The following MGAT4C variants were observed in gnomAD, a reference collection of about 807,000 sequenced individuals.
MGAT4C encodes the protein MGAT4 family member C.
MGAT4C carries 19 observed loss-of-function variants against 40.1 expected under a neutral mutation model. The observed-to-expected ratio is 0.47, with a 90% CI of 0.33 to 0.70. The LOEUF is 0.70. Ranked by LOEUF, MGAT4C falls within the 30% of genes least tolerant of loss-of-function variation. MGAT4C has a pLI of 0.02. For missense variants in MGAT4C, 491 were observed against 563.2 expected (o/e 0.87, Z 1.30); for synonymous variants, 181 against 187.1 (o/e 0.97, Z 0.27).
At chr12:86,282,654 CTAAT>C (rs1043808618) in intron 4 of MGAT4C, among the ~76,000 whole-genome samples, 2 of 151,962 alleles carry the variant, frequency 1.3e-5, no homozygotes, top group African/African-American at 2.4e-5. Flanking sequence ...TGTTCAGTAT[CTAAT>C]TAACTGTGCT....
chr12:86,006,182 C>T (rs540241166), intron 2 of MGAT4C, among the ~76,000 whole-genome samples: 3 of 152,272 alleles, frequency 2.0e-5, no homozygotes, highest in African/African-American at 4.8e-5. Context: ...GGAAACACTT[C>T]ATGCTGTCAC....
At chr12:86,505,636 T>TA (rs1340074783) in intron 2 of MGAT4C, among the ~76,000 whole-genome samples, 1 of 152,216 alleles carries the variant, frequency 6.6e-6, no homozygotes, top group East Asian at 1.9e-4. Flanking sequence ...GTTTTGTAGC[T>TA]AAGGAAGTTA....
intron 3 of MGAT4C, among the ~76,000 whole-genome samples, chr12:86,425,716 C>T (rs10858427): frequency 0.64 from 96,637 of 151,968 alleles, 31,352 homozygotes; most frequent in South Asian, 0.77. Flanking sequence ...AATCTTGCAC[C>T]AGCCAGCAAA....
At chr12:86,242,366 G>A (rs976443498) in intron 1 of MGAT4C, among the ~76,000 whole-genome samples, 1 of 152,070 alleles carries the variant, frequency 6.6e-6, no homozygotes, top group Admixed American at 6.6e-5. Flanking sequence ...ACTGCCTCAG[G>A]TTCAATCTAT....
At chr12:85,983,391 ATTGAAG>A in intron 4 of MGAT4C, 126 bp downstream of exon 4, 1 of 847,534 alleles carries the variant, frequency 1.2e-6, no homozygotes, top group Non-Finnish European at 1.7e-6. Context: ...GTGAAGAAAC[ATTGAAG>A]TTTTGCCCAA....
At chr12:86,795,741 C>A (rs888315422) in intron 1 of MGAT4C, among the ~76,000 whole-genome samples, 1 of 151,892 alleles carries the variant, frequency 6.6e-6, no homozygotes, top group Non-Finnish European at 1.5e-5. Flanking sequence ...CATCTACTTC[C>A]CCACAAACCT....
intron 4 of MGAT4C, among the ~76,000 whole-genome samples, chr12:86,278,641 G>GCAAA (rs1953136249): frequency 6.6e-6 from 1 of 152,050 alleles, no homozygotes; most frequent in Non-Finnish European, 1.5e-5. Context: ...CATATCATCT[G>GCAAA]CAAACAAATA....
intron 1 of MGAT4C, among the ~76,000 whole-genome samples, chr12:86,822,389 C>A (rs1355127054): frequency 2.6e-5 from 4 of 150,956 alleles, no homozygotes; most frequent in African/African-American, 7.3e-5. Context: ...AAACTCTAAT[C>A]AAAACATACA....
intron 2 of MGAT4C, among the ~76,000 whole-genome samples, chr12:86,472,133 A>C (rs898717735): frequency 2.6e-5 from 4 of 152,140 alleles, no homozygotes; most frequent in African/African-American, 7.2e-5. Context: ...TAGGGCACCA[A>C]TTGTAGGATG....
At chr12:86,804,525 A>G (rs189787510) in intron 1 of MGAT4C, among the ~76,000 whole-genome samples, 2 of 152,034 alleles carry the variant, frequency 1.3e-5, no homozygotes, top group African/African-American at 2.4e-5. Context: ...GCTATTTCTC[A>G]TTATAAGTGC....
At chr12:86,199,372 A>G in intron 1 of MGAT4C, among the ~76,000 whole-genome samples, 1 of 67,614 alleles carries the variant, frequency 1.5e-5, no homozygotes, top group South Asian at 5.7e-4. Context: ...GTTAAGGGAC[A>G]GTTTAGGGGA....
intron 2 of MGAT4C, among the ~76,000 whole-genome samples, chr12:86,490,709 G>A (rs1180152440): frequency 6.6e-6 from 1 of 152,058 alleles, no homozygotes; most frequent in African/African-American, 2.4e-5. Context: ...ATAAAAGGAT[G>A]GAGGAAGATC....
At chr12:86,719,251 T>G (rs1463634083) in intron 2 of MGAT4C, among the ~76,000 whole-genome samples, 2 of 152,170 alleles carry the variant, frequency 1.3e-5, no homozygotes, top group Non-Finnish European at 2.9e-5. Flanking sequence ...TATATTGTAA[T>G]ATCACACTCA....
upstream of MGAT4C, among the ~76,000 whole-genome samples, chr12:86,257,027 G>A (rs1389805192): frequency 6.6e-6 from 1 of 152,132 alleles, no homozygotes; most frequent in East Asian, 1.9e-4. Context: ...ACATGAAAGA[G>A]ATATTAAAAG....
chr12:86,119,874 A>G (rs985770692), intron 1 of MGAT4C, among the ~76,000 whole-genome samples: 6 of 151,864 alleles, frequency 4.0e-5, no homozygotes, highest in African/African-American at 1.4e-4. Context: ...TTTCTTTTTA[A>G]TAATATATTA....
chr12:86,820,427 T>C (rs1952685456), intron 1 of MGAT4C, among the ~76,000 whole-genome samples: 1 of 150,826 alleles, frequency 6.6e-6, no homozygotes, highest in South Asian at 2.1e-4. Flanking sequence ...TCAATTCCTT[T>C]AACTTTCGAT....
chr12:86,476,945 G>C (rs78704009), intron 2 of MGAT4C, among the ~76,000 whole-genome samples: 6 of 151,928 alleles, frequency 3.9e-5, no homozygotes, highest in African/African-American at 1.5e-4. Flanking sequence ...ATGATGAAGC[G>C]GGGCATGGAC....
Position 86,742,922 on chromosome 12 carries a change from A to G in MGAT4C, c.-261-15681T>C, listed in dbSNP as rs187708531. On this transcript the variant is annotated intron_variant, in intron 1 of 7. Transcript: ENST00000548651. ...TACACTGTACATACATTTGCATAATATTTCAAAGAGCAAAATATGTAACAC... is the reference window on the plus strand; with the variant it reads ...TACACTGTACATACATTTGCATAATGTTTCAAAGAGCAAAATATGTAACAC... 3.1e-3 allele frequency among the ~76,000 whole-genome samples: 476 copies of G among 151,798 alleles called. 4 individuals are homozygous for G. The highest frequency in any genetic ancestry group is 0.01 in the African/African-American group (432 of 41,464).
In MGAT4C at chr12:86,538,541, C is replaced by T. The variant is rs147164709; in HGVS notation, c.-228-103276G>A. On this transcript the variant is annotated intron_variant, in intron 2 of 7. Coordinates refer to the MGAT4C transcript ENST00000548651. Reference sequence around the variant, plus strand: ...AGAAGCTGAAATCTAGGGCTTAACTCATATTCTTTTACTGATAAAATATTT... The same window carrying T: ...AGAAGCTGAAATCTAGGGCTTAACTTATATTCTTTTACTGATAAAATATTT... 3.7e-3 allele frequency among the ~76,000 whole-genome samples: 568 copies of T among 151,698 alleles called. 2 individuals carry two copies. The highest frequency in any genetic ancestry group is 0.012 in the African/African-American group (510 of 41,414).
Sources: allele counts gnomAD v4.1 joint callset (sites outside exome capture counted in the v4.1 genomes callset), GRCh38; gene constraint gnomAD v4.1.1; transcripts MANE v1.5; gene names NCBI Gene and HGNC (gene_info 2026-07-23, HGNC 2026-07-21).